The following SPIRE1 variants were observed in gnomAD, a reference collection of about 807,000 sequenced individuals.
SPIRE1 encodes the protein spire type actin nucleation factor 1.
In SPIRE1, 40 loss-of-function variants were observed where a neutral mutation model predicts 94.1. The observed-to-expected ratio is 0.43, with a 90% CI of 0.33 to 0.55. SPIRE1 has a LOEUF of 0.55. Among genes scored for constraint, SPIRE1 ranks in the 20% least tolerant of loss-of-function variants. The pLI, the probability that SPIRE1 is intolerant of heterozygous loss-of-function variation, is 0.06. For synonymous variants in SPIRE1, 376 were observed against 371.7 expected, an observed-to-expected ratio of 1.01 and a Z score of -0.13; for missense variants, 838 against 975.2, an observed-to-expected ratio of 0.86 and a Z score of 1.87.
In SPIRE1 at chr18:12,546,731, T is replaced by G; in HGVS notation, c.546A>C (p.Gly182=). The G allele has an allele frequency of 6.2e-7, 1 of 1,614,178 alleles. No individual in the cohort carries two copies. Among genetic ancestry groups the G allele is most frequent in the East Asian group, 2.2e-5 (1 of 44,886 alleles). ...AGATTTTTCTCTTTTCATCTTCATC[T>G]CCCAGGCCTTCTTCTGCAGCCTCAT... ...EGYEAAEEGL[G]DEDEKRKISA... is the part of the protein sequence containing the mutation. The change falls in exon 3 of 17, where the codon GGA becomes GGC. Residue 182 remains glycine, a synonymous_variant. Coordinates refer to ENST00000409402, the MANE Select transcript of SPIRE1 (RefSeq NM_001128626.2).
intron 16 of SPIRE1, 42 bp from the exon 17 acceptor site, chr18:12,449,938 A>C (rs2031144886): frequency 6.3e-7 from 1 of 1,580,554 alleles, no homozygotes. Context: ...TGTTACTTAT[A>C]GGTCTGCTGC....
At chr18:12,573,305 A>G (rs1598484660) in intron 2 of SPIRE1, among the ~76,000 whole-genome samples, 1 of 152,212 alleles carries the variant, frequency 6.6e-6, no homozygotes, top group East Asian at 1.9e-4. Context: ...CTCCGAGAGT[A>G]ACTAAAATAT....
At chr18:12,488,961 G>A (rs1404572096) in intron 8 of SPIRE1, among the ~76,000 whole-genome samples, 5 of 152,098 alleles carry the variant, frequency 3.3e-5, no homozygotes, top group Admixed American at 3.3e-4. Context: ...CGAGACGGGT[G>A]GATCATGAGG....
rs181956374 is a variant in SPIRE1 at position 12,606,585 on chromosome 18, C to T, written c.372+28477G>A. ...TTACTCTGTCGCCCAGGCTGGAATG[C>T]GGTAGCACGATCTTGGCTCACTGCA... On this transcript the variant is annotated intron_variant, in intron 2 of 16. Coordinates refer to ENST00000409402, the MANE Select transcript of SPIRE1 (RefSeq NM_001128626.2). 8.9e-4 allele frequency among the ~76,000 whole-genome samples: 134 copies of T among 149,924 alleles called. No individual in the cohort carries two copies. In the Middle Eastern group the frequency reaches 0.028, roughly 31 times the overall value.
intron 13 of SPIRE1, among the ~76,000 whole-genome samples, chr18:12,453,360 C>A (rs185780696): frequency 6.6e-6 from 1 of 151,974 alleles, no homozygotes; most frequent in East Asian, 1.9e-4. Flanking sequence ...AAGGCCACAG[C>A]TCTTAAGTGT....
At chr18:12,572,169 C>A (rs912506770) in intron 2 of SPIRE1, among the ~76,000 whole-genome samples, 1 of 151,996 alleles carries the variant, frequency 6.6e-6, no homozygotes, top group African/African-American at 2.4e-5. Flanking sequence ...GAGGATGAAG[C>A]TAGACCAGCA....
At chr18:12,626,124 G>C (rs778053637) in intron 2 of SPIRE1, among the ~76,000 whole-genome samples, 1 of 150,946 alleles carries the variant, frequency 6.6e-6, no homozygotes, top group East Asian at 1.9e-4. Context: ...GTAGTGAGCT[G>C]ATTTAGCTAA....
At chr18:12,622,486 G>A (rs28478396) in intron 2 of SPIRE1, among the ~76,000 whole-genome samples, 2,932 of 146,818 alleles carry the variant, frequency 0.02, 102 homozygotes, top group African/African-American at 0.069. Flanking sequence ...GCAGTGGCGC[G>A]ATCTTGGCTC....
chr18:12,548,782 T>C (rs2035248356), intron 2 of SPIRE1, among the ~76,000 whole-genome samples: 1 of 151,972 alleles, frequency 6.6e-6, no homozygotes, highest in Admixed American at 6.6e-5. Context: ...CTGGCTAATT[T>C]TTTTTGGAAT....
Position 12,649,929 on chromosome 18 carries a change from A to C in SPIRE1, c.337+7601T>G, listed in dbSNP as rs567003700. ...CCCAACACACGTAGAAATATATTGC[A>C]TGGTAAATTGGAACCAAAAGTGACA... On this transcript the variant is annotated intron_variant, in intron 1 of 16. Coordinates refer to ENST00000409402, the MANE Select transcript of SPIRE1 (RefSeq NM_001128626.2). 3.0e-4 allele frequency among the ~76,000 whole-genome samples: 45 copies of C among 152,288 alleles called. 1 individual carries two copies. Among genetic ancestry groups the C allele is most frequent in the African/African-American group, 9.9e-4 (41 of 41,562 alleles).
intron 4 of SPIRE1, among the ~76,000 whole-genome samples, chr18:12,521,891 C>T (rs191545189): frequency 1.3e-5 from 2 of 152,094 alleles, no homozygotes; most frequent in Middle Eastern, 3.4e-3. Flanking sequence ...TTGATAAATG[C>T]GTGTGTTCTG....
intron 9 of SPIRE1, 115 bp from the exon 10 acceptor site, chr18:12,479,986 A>T (rs534975668): frequency 5.7e-5 from 54 of 946,336 alleles, no homozygotes; most frequent in Non-Finnish European, 8.3e-5. Flanking sequence ...ATTCAGTAAC[A>T]CCTTGCCTAT....
upstream of SPIRE1, chr18:12,658,711 C>T (rs1205241485): frequency 9.5e-6 from 4 of 422,986 alleles, no homozygotes; most frequent in South Asian, 1.7e-5. Context: ...ACCCCGCGGC[C>T]GCTCTGCGCG....
intron 10 of SPIRE1, among the ~76,000 whole-genome samples, chr18:12,473,928 C>T (rs1415712636): frequency 6.6e-6 from 1 of 152,106 alleles, no homozygotes; most frequent in Non-Finnish European, 1.5e-5. Context: ...GAAGGTATCT[C>T]TTAAAAGAAT....
At chr18:12,611,988 G>C (rs1252018600) in intron 2 of SPIRE1, among the ~76,000 whole-genome samples, 2 of 151,932 alleles carry the variant, frequency 1.3e-5, no homozygotes, top group Non-Finnish European at 2.9e-5. Flanking sequence ...TTGTTATGTA[G>C]CAATAGATAT....
At position 12,447,581 on chromosome 18, in the gene SPIRE1, T is replaced by C. The variant is rs1193157073; in HGVS notation, c.*2057A>G. Reference sequence around the variant, plus strand: ...GAACGTACCCTCCACGTGACCTCTTTAATGCACTTGGCAAACTCCGTTAAT... The same window carrying C: ...GAACGTACCCTCCACGTGACCTCTTCAATGCACTTGGCAAACTCCGTTAAT... On this transcript the variant is annotated 3_prime_UTR_variant, in exon 17 of 17. Coordinates refer to ENST00000409402, the MANE Select transcript of SPIRE1 (RefSeq NM_001128626.2). 1 of 152,214 alleles carries C rather than the reference T, an allele frequency of 6.6e-6. No individual in the cohort carries two copies. The highest frequency in any genetic ancestry group is 6.5e-5 in the Admixed American group (1 of 15,276). 9.4% of individuals were successfully genotyped at this position (152,214 alleles called of 1,614,324 possible).
chr18:12,653,966 A>C (rs996399699), intron 1 of SPIRE1, among the ~76,000 whole-genome samples: 6 of 151,874 alleles, frequency 4.0e-5, no homozygotes, highest in East Asian at 1.9e-4. Context: ...AAAGAAAGAA[A>C]GAAACAGAAA....
At chr18:12,624,404 G>A (rs1341060969) in intron 2 of SPIRE1, among the ~76,000 whole-genome samples, 2 of 150,976 alleles carry the variant, frequency 1.3e-5, no homozygotes, top group East Asian at 2.0e-4. Context: ...TTAGCCAGGC[G>A]TGGTGGCGTG....
chr18:12,619,474 C>CT (rs2037402539), intron 2 of SPIRE1, among the ~76,000 whole-genome samples: 1 of 152,026 alleles, frequency 6.6e-6, no homozygotes, highest in African/African-American at 2.4e-5. Flanking sequence ...TGCCACTGAA[C>CT]TCCAGCCTGG....
Sources: gnomAD v4.1 joint callset for allele counts (sites outside exome capture counted in the v4.1 genomes callset) on GRCh38, gnomAD v4.1.1 for gene constraint, MANE v1.5 for transcripts, NCBI Gene and HGNC (gene_info 2026-07-23, HGNC 2026-07-21) for gene names.